INPP5B: variants seen among roughly 807,000 people sequenced by gnomAD.
INPP5B encodes type II inositol 1,4,5-trisphosphate 5-phosphatase.
A neutral mutation model predicts 118.5 loss-of-function variants in INPP5B; 90 were observed. The observed-to-expected ratio is 0.76, with a 90% CI of 0.64 to 0.90. The LOEUF is 0.90. INPP5B is among the 40% of genes least tolerant of loss of function. The probability of loss-of-function intolerance (pLI) is 0.00; values close to 1 mark genes in which losing one functional copy is unlikely to be tolerated. For synonymous variants in INPP5B, 385 were observed against 418.9 expected, an observed-to-expected ratio of 0.92 and a Z score of 0.99; for missense variants, 984 against 1,125.6, an observed-to-expected ratio of 0.87 and a Z score of 1.80.
chr1:37,865,858 A>G lies in INPP5B; in HGVS notation c.2417T>C (p.Leu806Pro). The change falls in exon 22 of 24, where the codon CTG (leucine) becomes CCG (proline). Residue 806 changes from leucine (L) to proline (P), a missense_variant. Leu to Pro is a moderately conservative substitution (Grantham distance 98, BLOSUM62 -3). This residue lies in a region of INPP5B where 634 missense variants were observed against 791.0 expected (regional missense o/e 0.80). Transcript: ENST00000373024. ...TGGAAGGCTCTCCAGGAAAAGCAGC[A>G]GGGCTTCGGCTACAGAATGATTGCT... The part of the protein sequence containing the change: ...SASNHSVAEA[L>P]LLFLESLPEP... 1 of 1,613,588 alleles carries G rather than the reference A, an allele frequency of 6.2e-7. No individual in the cohort carries two copies. The highest frequency in any genetic ancestry group is 8.5e-7 in the Non-Finnish European group (1 of 1,179,656).
At chr1:37,925,269 G>A (rs894281810) in intron 7 of INPP5B, among the ~76,000 whole-genome samples, 1 of 151,988 alleles carries the variant, frequency 6.6e-6, no homozygotes, top group Non-Finnish European at 1.5e-5. Flanking sequence ...AAAGAAAAAT[G>A]TCCAGGCCTC....
Position 37,940,846 on chromosome 1 carries a change from T to A in INPP5B, c.281-48A>T, listed in dbSNP as rs749743837. On this transcript the variant is annotated intron_variant, in intron 5 of 23. Coordinates refer to ENST00000373024, the MANE Select transcript of INPP5B (RefSeq NM_005540.3). ...GAACCCTTGGCTGCCAGGAGCTAAGTGCTTGATGCAGCCTAAGCCTGAGAA... is the reference window on the plus strand; with the variant it reads ...GAACCCTTGGCTGCCAGGAGCTAAGAGCTTGATGCAGCCTAAGCCTGAGAA... 3 of 1,318,484 alleles carry A rather than the reference T, an allele frequency of 2.3e-6. No individual in the cohort carries two copies. The South Asian group carries it at 3.6e-5, about 16-fold the overall frequency. 81.7% of individuals were successfully genotyped at this position (1,318,484 alleles called of 1,614,324 possible).
At chr1:37,897,461 C>G (rs183937639) in intron 7 of INPP5B, among the ~76,000 whole-genome samples, 1 of 151,310 alleles carries the variant, frequency 6.6e-6, no homozygotes, top group Non-Finnish European at 1.5e-5. Flanking sequence ...CTGAAACATG[C>G]GCTGTATCCA....
intron 7 of INPP5B, among the ~76,000 whole-genome samples, chr1:37,926,099 C>G (rs116836637): frequency 6.6e-6 from 1 of 152,116 alleles, no homozygotes; most frequent in Admixed American, 6.6e-5. Context: ...AAAACCACCC[C>G]GGGGGCTATT....
chr1:37,890,522 ACAAG>A (rs1168213249), intron 8 of INPP5B, among the ~76,000 whole-genome samples: 1 of 152,202 alleles, frequency 6.6e-6, no homozygotes, highest in Non-Finnish European at 1.5e-5. Flanking sequence ...AAATACTGAT[ACAAG>A]TAAGTGTTTT....
At chr1:37,902,302 T>C (rs1163232324) in intron 7 of INPP5B, among the ~76,000 whole-genome samples, 3 of 152,128 alleles carry the variant, frequency 2.0e-5, no homozygotes, top group African/African-American at 7.2e-5. Flanking sequence ...TAAATATTTT[T>C]ATATCTGACT....
At chr1:37,867,767 G>T (rs1206742440) in intron 20 of INPP5B, among the ~76,000 whole-genome samples, 1 of 152,118 alleles carries the variant, frequency 6.6e-6, no homozygotes, top group African/African-American at 2.4e-5. Context: ...AGTGAAGGCT[G>T]CCCTAGTCAC....
chr1:37,943,876 T>G lies in INPP5B; in HGVS notation c.170A>C (p.His57Pro). The G allele has an allele frequency of 6.2e-7, 1 of 1,613,504 alleles. No individual in the cohort carries two copies. Residue 57 changes from histidine to proline, a missense_variant, in exon 4 of 24, where the codon CAC becomes CCC. By Grantham distance (77) the His-to-Pro change is moderately conservative. This residue lies in a region of INPP5B where 350 missense variants were observed against 334.6 expected (regional missense o/e 1.05). Transcript: ENST00000373024. ...GTCCCCGGTAATGGCCATCCTCCGG[T>G]GCGTATAGAGGAAGAGACTAAGGGC... ...GQEHALFLYT[H>P]RRMAITGDDV...
Position 37,943,686 on chromosome 1 carries a change from G to T in INPP5B, c.251-17C>A. ...CTGGGGACACTGTGGGGAGGGAAAT[G>T]AGAATGCCCTTAGCAATTGAGCTTA... On this transcript the variant is annotated splice_polypyrimidine_tract_variant and intron_variant, in intron 4 of 23. Transcript: ENST00000373024. The T allele has an allele frequency of 6.2e-7, 1 of 1,614,008 alleles. No homozygotes were observed. Among genetic ancestry groups the T allele is most frequent in the Non-Finnish European group, 8.5e-7 (1 of 1,179,936 alleles).
chr1:37,870,872 A>C (rs1642371662), intron 19 of INPP5B, among the ~76,000 whole-genome samples: 1 of 152,204 alleles, frequency 6.6e-6, no homozygotes, highest in Non-Finnish European at 1.5e-5. Flanking sequence ...AAGTGGAGTT[A>C]GGCAGGGCAT....
intron 6 of INPP5B, among the ~76,000 whole-genome samples, chr1:37,933,315 G>A (rs1445138504): frequency 6.6e-6 from 1 of 152,242 alleles, no homozygotes; most frequent in Non-Finnish European, 1.5e-5. Flanking sequence ...TTGGGAGGCT[G>A]AGGCGGGCAG....
At chr1:37,883,860 T>C in intron 13 of INPP5B, 1 of 985,294 alleles carries the variant, frequency 1.0e-6, no homozygotes, top group Non-Finnish European at 1.2e-6. Context: ...CCCCAGTGGC[T>C]TCTTCCTCTT....
chr1:37,866,404 TCTCACACACACA>T, intron 21 of INPP5B, 43 bp downstream of exon 21: 1 of 366,284 alleles, frequency 2.7e-6, no homozygotes, highest in South Asian at 4.0e-5. Flanking sequence ...TCTCTCTCTC[TCTCACACACACA>T]CACACACACA....
intron 7 of INPP5B, among the ~76,000 whole-genome samples, chr1:37,897,155 G>A (rs1480922579): frequency 6.6e-6 from 1 of 151,826 alleles, no homozygotes; most frequent in Non-Finnish European, 1.5e-5. Context: ...TCCGGGAGGT[G>A]AGGGGCGCCT....
intron 16 of INPP5B, 63 bp downstream of exon 16, chr1:37,878,125 G>T (rs1270296262): frequency 2.6e-6 from 4 of 1,560,376 alleles, no homozygotes; most frequent in Admixed American, 3.5e-5. Flanking sequence ...GACAAGAAAT[G>T]GTCTTAGTTG....
intron 7 of INPP5B, among the ~76,000 whole-genome samples, chr1:37,897,153 G>A (rs1644142297): frequency 1.3e-5 from 2 of 151,740 alleles, no homozygotes; most frequent in African/African-American, 2.4e-5. Flanking sequence ...TGTCCGGGAG[G>A]TGAGGGGCGC....
intron 7 of INPP5B, among the ~76,000 whole-genome samples, chr1:37,897,645 CTTGT>C (rs1226107933): frequency 1.3e-5 from 2 of 151,426 alleles, no homozygotes; most frequent in Non-Finnish European, 3.0e-5. Context: ...CCTTTGTTCA[CTTGT>C]TTATCTGCTG....
At chr1:37,868,470 A>C (rs1280492567) in intron 20 of INPP5B, 31 bp downstream of exon 20, 1 of 1,471,042 alleles carries the variant, frequency 6.8e-7, no homozygotes, top group Non-Finnish European at 9.5e-7. Context: ...GCCTGGCCTC[A>C]ATCAGGTCTG....
At chr1:37,882,772 A>G in intron 14 of INPP5B, 35 bp downstream of exon 14, 1 of 1,508,980 alleles carries the variant, frequency 6.6e-7, no homozygotes, top group Non-Finnish European at 9.2e-7. Flanking sequence ...GGTGGAGGAC[A>G]GCTGCTGGAA....
Sources: allele counts gnomAD v4.1 joint callset (sites outside exome capture counted in the v4.1 genomes callset), GRCh38; gene constraint gnomAD v4.1.1; regional missense constraint gnomAD v4.1.1; transcripts MANE v1.5; gene names NCBI Gene and HGNC (gene_info 2026-07-23, HGNC 2026-07-21).